Variants in ACVR1 observed in about 807,000 individuals in gnomAD.
ACVR1 encodes activin receptor type-1.
A neutral mutation model predicts 57.1 loss-of-function variants in ACVR1; 38 were observed. The ratio of observed to expected loss-of-function variants is 0.67; its 90% confidence interval spans 0.51 to 0.87. The LOEUF (loss-of-function observed/expected upper bound fraction) is 0.87. Ranked by LOEUF, ACVR1 falls within the 40% of genes least tolerant of loss-of-function variation. ACVR1 has a pLI of 0.00. For synonymous variants in ACVR1, 212 were observed against 228.1 expected (o/e 0.93, Z 0.63); for missense variants, 463 against 638.2 (o/e 0.73, Z 2.96).
At chr2:157,820,129 T>A (rs191352153) in intron 1 of ACVR1, among the ~76,000 whole-genome samples, 3 of 152,258 alleles carry the variant, frequency 2.0e-5, no homozygotes, top group Admixed American at 2.0e-4. Context: ...CACAATCTAT[T>A]TGAAAAGAAA....
chr2:157,858,522 A>T (rs1689614376), intron 1 of ACVR1, among the ~76,000 whole-genome samples: 1 of 152,084 alleles, frequency 6.6e-6, no homozygotes, highest in Admixed American at 6.6e-5. Flanking sequence ...CCCAAGCTGG[A>T]GTGCAGTGGC....
At chr2:157,842,907 T>C (rs1689023637) in intron 1 of ACVR1, among the ~76,000 whole-genome samples, 1 of 152,178 alleles carries the variant, frequency 6.6e-6, no homozygotes, top group Non-Finnish European at 1.5e-5. Flanking sequence ...GATTCCAGGT[T>C]TCCTAGTACA....
chr2:157,868,034 C>G (rs1689997876), intron 1 of ACVR1, among the ~76,000 whole-genome samples: 1 of 152,128 alleles, frequency 6.6e-6, no homozygotes, highest in Non-Finnish European at 1.5e-5. Flanking sequence ...TCTAAGCTTG[C>G]TCCTATGGTG....
chr2:157,822,269 A>C (rs544448507), intron 1 of ACVR1, among the ~76,000 whole-genome samples: 2 of 152,072 alleles, frequency 1.3e-5, no homozygotes, highest in East Asian at 3.9e-4. Context: ...AAATCATTTA[A>C]CCCCTGAGTT....
chr2:157,862,497 T>C (rs185427450), intron 1 of ACVR1, among the ~76,000 whole-genome samples: 2 of 151,556 alleles, frequency 1.3e-5, no homozygotes, highest in Admixed American at 6.6e-5. Flanking sequence ...TACTAATATA[T>C]ATATAAGGTA....
At chr2:157,795,050 T>C (rs1687052108) in intron 3 of ACVR1, among the ~76,000 whole-genome samples, 1 of 152,076 alleles carries the variant, frequency 6.6e-6, no homozygotes, top group African/African-American at 2.4e-5. Flanking sequence ...AAAATCTCTA[T>C]GACTCTCTTA....
intron 3 of ACVR1, among the ~76,000 whole-genome samples, chr2:157,782,729 G>T (rs972347700): frequency 6.6e-6 from 1 of 152,148 alleles, no homozygotes; most frequent in Non-Finnish European, 1.5e-5. Context: ...AGTTCATGGT[G>T]TCAGACTAAT....
chr2:157,858,249 T>C (rs1689601215), intron 1 of ACVR1, among the ~76,000 whole-genome samples: 2 of 151,952 alleles, frequency 1.3e-5, no homozygotes, highest in African/African-American at 4.8e-5. Flanking sequence ...CTCTCTTCAG[T>C]GTTCCTCCTA....
chr2:157,874,243 G>C (rs1204522526), intron 1 of ACVR1, among the ~76,000 whole-genome samples: 1 of 152,160 alleles, frequency 6.6e-6, no homozygotes, highest in Non-Finnish European at 1.5e-5. Flanking sequence ...TTAAGGCCTA[G>C]ATTTCAGCTT....
chr2:157,786,311 A>AC (rs1194601385), intron 3 of ACVR1, among the ~76,000 whole-genome samples: 1 of 152,170 alleles, frequency 6.6e-6, no homozygotes, highest in South Asian at 2.1e-4. Context: ...TTCATTACAT[A>AC]CCCCACAACA....
intron 7 of ACVR1, among the ~76,000 whole-genome samples, chr2:157,768,435 T>G (rs1200479336): frequency 6.6e-6 from 1 of 152,204 alleles, no homozygotes; most frequent in Non-Finnish European, 1.5e-5. Context: ...GTTATATATC[T>G]GTGTAGCCTC....
intron 1 of ACVR1, among the ~76,000 whole-genome samples, chr2:157,857,411 A>G (rs535966648): frequency 6.6e-6 from 1 of 151,674 alleles, no homozygotes; most frequent in South Asian, 2.1e-4. Context: ...AAAAAAAAAA[A>G]GAAGAAGATA....
chr2:157,784,595 CACCAGA>C (rs1172068039), intron 3 of ACVR1, among the ~76,000 whole-genome samples: 1 of 152,268 alleles, frequency 6.6e-6, no homozygotes, highest in Non-Finnish European at 1.5e-5. Context: ...CCCTTTGTAT[CACCAGA>C]GCCAGAGCCG....
At chr2:157,784,603 C>G (rs1461264996) in intron 3 of ACVR1, among the ~76,000 whole-genome samples, 4 of 152,232 alleles carry the variant, frequency 2.6e-5, no homozygotes, top group African/African-American at 9.6e-5. Flanking sequence ...ATCACCAGAG[C>G]CAGAGCCGTG....
intron 2 of ACVR1, among the ~76,000 whole-genome samples, chr2:157,817,998 T>C (rs1238025408): frequency 2.3e-5 from 2 of 88,100 alleles, no homozygotes; most frequent in African/African-American, 5.5e-5. Context: ...CGAGACTCCG[T>C]CTCAAAAAAA....
intron 1 of ACVR1, among the ~76,000 whole-genome samples, chr2:157,841,849 C>T (rs1688987475): frequency 6.6e-6 from 1 of 151,782 alleles, no homozygotes; most frequent in Non-Finnish European, 1.5e-5. Flanking sequence ...CAGTGAAACC[C>T]CATCTGTATG....
chr2:157,857,363 T>A (rs1223820732), intron 1 of ACVR1, among the ~76,000 whole-genome samples: 1 of 150,858 alleles, frequency 6.6e-6, no homozygotes, highest in Non-Finnish European at 1.5e-5. Context: ...AATGAACACA[T>A]GGTCCCCGTC....
chr2:157,806,595 T>A (rs1559068177), intron 2 of ACVR1: 3 of 152,156 alleles, frequency 2.0e-5, no homozygotes, highest in Non-Finnish European at 4.4e-5. Context: ...ACAAGAACAG[T>A]CATATCTCTT....
At chr2:157,829,380 C>T (rs1422102610) in intron 1 of ACVR1, among the ~76,000 whole-genome samples, 5 of 152,198 alleles carry the variant, frequency 3.3e-5, no homozygotes, top group Non-Finnish European at 7.4e-5. Flanking sequence ...AGCCCAGGAC[C>T]TCTCCCACCA....
Sources: allele counts gnomAD v4.1 joint callset (sites outside exome capture counted in the v4.1 genomes callset), GRCh38; gene constraint gnomAD v4.1.1; transcripts MANE v1.5; gene names NCBI Gene and HGNC (gene_info 2026-07-23, HGNC 2026-07-21).